Variants in ZNF559 observed in about 807,000 individuals in gnomAD.
ZNF559 encodes zinc finger protein 559, also known as putative protein product of Nbla00121.
In ZNF559, 17 loss-of-function variants were observed where a neutral mutation model predicts 14.2. That is an observed-to-expected ratio of 1.20 (90% CI 0.82 to 1.80). ZNF559 has a LOEUF of 1.80. ZNF559 is among the 40% of genes most tolerant of loss of function. The pLI is 0.00. For synonymous variants in ZNF559, 244 were observed against 212.4 expected (o/e 1.15, Z -1.29); for missense variants, 740 against 629.7 (o/e 1.18, Z -1.88).
At chr19:9,324,593 A>T in intron 1 of ZNF559, 102 bp from the exon 2 acceptor site, 1 of 1,194,528 alleles carries the variant, frequency 8.4e-7, no homozygotes, top group Non-Finnish European at 1.2e-6. Context: ...CAGGAGTTCA[A>T]GACCAGGCAG....
chr19:9,324,818 G>T, intron 2 of ZNF559, 38 bp downstream of exon 2: 1 of 1,509,152 alleles, frequency 6.6e-7, no homozygotes, highest in Non-Finnish European at 8.9e-7. Context: ...TGTGGGTGTC[G>T]GGTCTTGAAG....
At chr19:9,336,559 C>T (rs745548807) in intron 2 of ZNF559, among the ~76,000 whole-genome samples, 2 of 151,526 alleles carry the variant, frequency 1.3e-5, no homozygotes, top group Non-Finnish European at 2.9e-5. Flanking sequence ...CGCGCCACTG[C>T]ACTCCAGCCT....
chr19:9,327,477 G>T (rs151192384), intron 2 of ZNF559, among the ~76,000 whole-genome samples: 2,183 of 152,230 alleles, frequency 0.014, 53 homozygotes, highest in African/African-American at 0.049. Flanking sequence ...TCGAACTCTT[G>T]ACCTCAGGTG....
Position 9,340,992 on chromosome 19 carries a change from A to G in ZNF559, c.161-110A>G, listed in dbSNP as rs2067549000. 3.6e-6 allele frequency: 3 copies of G among 822,876 alleles called. No homozygotes were observed. The Admixed American group carries it at 8.7e-5, about 24-fold the overall frequency. The allele number at this position is 822,876 out of a possible 1,614,324, so 51.0% of individuals were successfully genotyped here. A position where few individuals can be genotyped will look rare whatever the true frequency, so the allele number is the denominator to read the frequency against. On this transcript the variant is annotated intron_variant, in intron 5 of 6. Transcript: ENST00000603380. Reference sequence around the variant, plus strand: ...CCCGTTCTTTAAAAAAACAAACTATATTTCAAGCCAGTGTTTGAAACTACA... The same window carrying G: ...CCCGTTCTTTAAAAAAACAAACTATGTTTCAAGCCAGTGTTTGAAACTACA...
Position 9,345,132 on chromosome 19 carries a change from A to G in ZNF559, c.*2064A>G, listed in dbSNP as rs1376355106. ...CATATAGTCTGGCATCTTTCAGGAT[A>G]ATTTTTTCAGATCCATTTATGTTGT... On this transcript the variant is annotated 3_prime_UTR_variant, in exon 7 of 7. Transcript: ENST00000603380. 6.6e-6 allele frequency: 1 copy of G among 152,214 alleles called. No individual in the cohort carries two copies. Among genetic ancestry groups the G allele is most frequent in the Non-Finnish European group, 1.5e-5 (1 of 68,032 alleles). 9.4% of individuals were successfully genotyped at this position (152,214 alleles called of 1,614,324 possible).
chr19:9,344,994 A>C lies in ZNF559; in HGVS notation c.*1926A>C, dbSNP rs1282485915. The stretch of plus-strand genomic sequence containing the variant: ...CCAGATGGTTTCCTCATGCCCTTTT[A>C]TAATTTCTTCTTCTCCTCACCCTTC... On this transcript the variant is annotated 3_prime_UTR_variant, in exon 7 of 7. Transcript: ENST00000603380. 1 of 152,112 alleles carries C rather than the reference A, an allele frequency of 6.6e-6. No individual in the cohort carries two copies. Among genetic ancestry groups the C allele is most frequent in the Non-Finnish European group, 1.5e-5 (1 of 68,044 alleles). The allele number at this position is 152,112 out of a possible 1,614,324, so 9.4% of individuals were successfully genotyped here.
At chr19:9,340,496 G>A (rs965094762) in intron 5 of ZNF559, among the ~76,000 whole-genome samples, 1 of 139,978 alleles carries the variant, frequency 7.1e-6, no homozygotes, top group African/African-American at 2.7e-5. Context: ...TTCCCTGGCT[G>A]TACCTCTTTT....
At position 9,341,090 on chromosome 19, in the gene ZNF559, A is replaced by G; in HGVS notation, c.161-12A>G. ...TCTCTAAGAACTTAAAATTTTTTTCATCTTATTTCAGATTGGGAGAGTCAT... is the reference window on the plus strand; with the variant it reads ...TCTCTAAGAACTTAAAATTTTTTTCGTCTTATTTCAGATTGGGAGAGTCAT... On this transcript the variant is annotated splice_polypyrimidine_tract_variant and intron_variant, in intron 5 of 6. Transcript: ENST00000603380. 1.3e-6 allele frequency: 2 copies of G among 1,582,080 alleles called. No individual in the cohort carries two copies. Among genetic ancestry groups the G allele is most frequent in the Non-Finnish European group, 1.7e-6 (2 of 1,171,344 alleles).
intron 2 of ZNF559, among the ~76,000 whole-genome samples, chr19:9,329,752 C>T (rs1291206508): frequency 6.6e-6 from 1 of 152,180 alleles, no homozygotes; most frequent in Non-Finnish European, 1.5e-5. Context: ...CAACCTCCAC[C>T]TCCCGGGTTC....
chr19:9,324,237 T>C lies in ZNF559; in HGVS notation c.-206+9T>C. 6.5e-7 allele frequency: 1 copy of C among 1,536,086 alleles called. No homozygotes were observed. On this transcript the variant is annotated intron_variant, in intron 1 of 6. Transcript: ENST00000603380. ...TCCCGTTGGCGTCTGAGGTAAGTTT[T>C]TGTTTCTGGGCGGCGTTCGGTGGTG...
rs1015464207 is a variant in ZNF559, at chr19:9,343,204, C to T, written c.*136C>T. On this transcript the variant is annotated 3_prime_UTR_variant, in exon 7 of 7. Transcript: ENST00000603380. ...CCTTCCTTGGTGTCTCAGATCTTAA[C>T]AATTCCAATAGAAGAGAAGACATAT... The T allele has an allele frequency of 3.4e-6, 5 of 1,474,032 alleles. No homozygotes were observed. The highest frequency in any genetic ancestry group is 2.9e-5 in the South Asian group (2 of 70,138). The allele number at this position is 1,474,032 out of a possible 1,614,324, so 91.3% of individuals were successfully genotyped here.
At chr19:9,341,017 A>C in intron 5 of ZNF559, 85 bp from the exon 6 acceptor site, 1 of 981,614 alleles carries the variant, frequency 1.0e-6, no homozygotes, top group Non-Finnish European at 1.6e-6. Context: ...TTGAAACTAC[A>C]GTACATACTA....
Position 9,341,970 on chromosome 19 carries a change from T to C in ZNF559, c.519T>C (p.Leu173=). The change falls in exon 7 of 7, where the codon CTT becomes CTC. Residue 173 remains leucine (L), a synonymous_variant. Coordinates refer to ENST00000603380, the MANE Select transcript of ZNF559 (RefSeq NM_032497.3). ...AGAAAACTAGCCAAAATCTACATCT[T>C]GTTTGCAAGAAAACTCACACTCAAG... The part of the protein sequence containing the change: ...VCKKTSQNLH[L]VCKKTHTQEK... 1.2e-6 allele frequency: 2 copies of C among 1,613,612 alleles called. No individual in the cohort carries two copies. Among genetic ancestry groups the C allele is most frequent in the Non-Finnish European group, 1.7e-6 (2 of 1,179,892 alleles).
chr19:9,339,091 C>G, intron 4 of ZNF559, 102 bp from the exon 5 acceptor site: 1 of 1,532,582 alleles, frequency 6.5e-7, no homozygotes, highest in Non-Finnish European at 9.0e-7. Flanking sequence ...GATAGGAGAC[C>G]AAAGAGTCTT....
chr19:9,337,192 T>C (rs969599722), intron 2 of ZNF559, among the ~76,000 whole-genome samples: 2 of 152,204 alleles, frequency 1.3e-5, no homozygotes, highest in Admixed American at 6.5e-5. Flanking sequence ...CATACACTTA[T>C]GCCCAGCCCC....
chr19:9,328,429 CT>C (rs1254577553), intron 2 of ZNF559, among the ~76,000 whole-genome samples: 3 of 145,586 alleles, frequency 2.1e-5, no homozygotes, highest in East Asian at 2.1e-4. Context: ...TCTCGGCTCA[CT>C]GCAACCTCCA....
chr19:9,338,469 T>C, intron 3 of ZNF559, 25 bp from the exon 4 acceptor site: 9 of 1,585,710 alleles, frequency 5.7e-6, no homozygotes, highest in Non-Finnish European at 7.8e-6. Context: ...GCCTGGATTC[T>C]CAGATTTTAT....
intron 5 of ZNF559, among the ~76,000 whole-genome samples, chr19:9,339,534 G>C (rs535746856): frequency 2.3e-4 from 35 of 152,246 alleles, no homozygotes; most frequent in African/African-American, 7.9e-4. Flanking sequence ...AAAAGACTTA[G>C]AGCTTCTTGA....
intron 2 of ZNF559, among the ~76,000 whole-genome samples, chr19:9,330,386 ATTC>A (rs1384926136): frequency 6.6e-6 from 1 of 152,104 alleles, no homozygotes; most frequent in Non-Finnish European, 1.5e-5. Flanking sequence ...ATTTATAGCT[ATTC>A]TTTATATAGG....
Sources: allele counts gnomAD v4.1 joint callset (sites outside exome capture counted in the v4.1 genomes callset), GRCh38; gene constraint gnomAD v4.1.1; transcripts MANE v1.5; gene names NCBI Gene and HGNC (gene_info 2026-07-23, HGNC 2026-07-21).